The following AMMECR1 variants were observed in gnomAD, a reference collection of about 807,000 sequenced individuals.
AMMECR1 encodes nuclear protein AMMECR1.
Under a neutral mutation model 22.5 loss-of-function variants are expected in AMMECR1, and 3 were observed. That is an observed-to-expected ratio of 0.13 (90% CI 0.06 to 0.35). AMMECR1 has a LOEUF of 0.35. Among genes scored for constraint, AMMECR1 ranks in the 10% least tolerant of loss-of-function variants. The pLI is 1.00. For synonymous variants in AMMECR1, 130 were observed against 116.7 expected (o/e 1.11, Z -0.74); for missense variants, 235 against 278.7 (o/e 0.84, Z 1.12).
chrX:110,347,499 T>C (rs2068195375), intron 2 of AMMECR1, among the ~76,000 whole-genome samples: 1 of 113,035 alleles, frequency 8.8e-6, no homozygotes, highest in African/African-American at 3.2e-5. Flanking sequence ...TCGCTAATTC[T>C]GTAATGTATT....
intron 1 of AMMECR1, among the ~76,000 whole-genome samples, chrX:110,304,020 G>C (rs1288677299): frequency 8.9e-6 from 1 of 112,143 alleles, no homozygotes; most frequent in Non-Finnish European, 1.9e-5. Context: ...TGAGAATTTT[G>C]CTTGTTTTTT....
rs764554903 is a variant in AMMECR1, at chrX:110,198,273, A to C, written c.*247T>G. 1.4e-4 allele frequency: 33 copies of C among 235,620 alleles called. No homozygotes were observed. The highest frequency in any genetic ancestry group is 4.1e-4 in the Admixed American group (6 of 14,512). The allele number at this position is 235,620 out of a possible 1,213,427, so 19.4% of individuals were successfully genotyped here. A position where few individuals can be genotyped will look rare whatever the true frequency, so the allele number is the denominator to read the frequency against. ...TACATAATATTATAAGGAAAAAAAA[A>C]CCCAAAATTATATATGCTGCAAAAA... On this transcript the variant is annotated 3_prime_UTR_variant, in exon 6 of 6. Coordinates refer to ENST00000262844, the MANE Select transcript of AMMECR1 (RefSeq NM_015365.3).
At chrX:110,344,516 C>T (rs1159078084) in intron 2 of AMMECR1, among the ~76,000 whole-genome samples, 2 of 111,106 alleles carry the variant, frequency 1.8e-5, no homozygotes, top group African/African-American at 3.3e-5. Flanking sequence ...AACTAAAGAG[C>T]TTCTGCACAG....
intron 2 of AMMECR1, among the ~76,000 whole-genome samples, chrX:110,417,636 A>G (rs1047311901): frequency 1.8e-5 from 2 of 111,859 alleles, no homozygotes; most frequent in African/African-American, 6.5e-5. Flanking sequence ...AGTGGAAGAG[A>G]CTGGCCCAAG....
chrX:110,234,581 A>C (rs1281777826), intron 2 of AMMECR1, among the ~76,000 whole-genome samples: 2 of 112,091 alleles, frequency 1.8e-5, no homozygotes, highest in Non-Finnish European at 3.8e-5. Context: ...TTCAAACTAT[A>C]CTGCAAGGCT....
intron 4 of AMMECR1, among the ~76,000 whole-genome samples, chrX:110,202,086 G>T (rs1163690784): frequency 8.9e-6 from 1 of 112,120 alleles, no homozygotes; most frequent in Non-Finnish European, 1.9e-5. Context: ...AAATGACAAA[G>T]AACTATGTGG....
intron 2 of AMMECR1, among the ~76,000 whole-genome samples, chrX:110,411,542 G>C (rs997554305): frequency 4.5e-5 from 5 of 112,084 alleles, no homozygotes; most frequent in African/African-American, 1.6e-4. Flanking sequence ...ATTGAGGTAG[G>C]GAGTCTTTGC....
rs1178207450 is a variant in AMMECR1, at chrX:110,198,478, A to G, written c.*42T>C. 1.1e-6 allele frequency: 1 copy of G among 883,991 alleles called. No individual in the cohort carries two copies. The allele number at this position is 883,991 out of a possible 1,213,427, so 72.9% of individuals were successfully genotyped here. On this transcript the variant is annotated 3_prime_UTR_variant, in exon 6 of 6. Transcript: ENST00000262844. ...AGAAGGTGTAGGGTCTCCTGGGAAGAGGTCTGCAGAGAGGCCCAGTGACTG... is the reference window on the plus strand; with the variant it reads ...AGAAGGTGTAGGGTCTCCTGGGAAGGGGTCTGCAGAGAGGCCCAGTGACTG...
chrX:110,308,638 A>C (rs1407408616), intron 1 of AMMECR1, among the ~76,000 whole-genome samples: 2 of 111,741 alleles, frequency 1.8e-5, no homozygotes, highest in African/African-American at 6.5e-5. Context: ...AAAAAATTTT[A>C]ACTACTGACT....
intron 2 of AMMECR1, among the ~76,000 whole-genome samples, chrX:110,253,445 T>C (rs1452820090): frequency 1.8e-5 from 2 of 112,354 alleles, no homozygotes; most frequent in Non-Finnish European, 3.8e-5. Context: ...AGGGTACATA[T>C]TTTTAGACAA....
In AMMECR1 at chrX:110,214,639, T is replaced by A. The variant is rs142612862; in HGVS notation, c.699+1879A>T. Among the ~76,000 whole-genome samples the A allele has an allele frequency of 7.9e-3, 881 of 111,866 alleles. 6 individuals carry two copies. The highest frequency in any genetic ancestry group is 0.025 in the African/African-American group (783 of 30,749). On this transcript the variant is annotated intron_variant, in intron 3 of 5. Coordinates refer to ENST00000262844, the MANE Select transcript of AMMECR1 (RefSeq NM_015365.3). ...CATGCCTATGTAACAGCTGTTGTATTCTCCCCTTTTTCCTTCCCCCAAAAC... is the reference window on the plus strand; with the variant it reads ...CATGCCTATGTAACAGCTGTTGTATACTCCCCTTTTTCCTTCCCCCAAAAC...
intron 2 of AMMECR1, among the ~76,000 whole-genome samples, chrX:110,354,632 A>T (rs1165412273): frequency 8.9e-6 from 1 of 112,159 alleles, no homozygotes; most frequent in Non-Finnish European, 1.9e-5. Flanking sequence ...AAACAGCATG[A>T]TACTTGCATA....
intron 2 of AMMECR1, among the ~76,000 whole-genome samples, chrX:110,233,815 T>A (rs2067584120): frequency 8.9e-6 from 1 of 112,110 alleles, no homozygotes; most frequent in Non-Finnish European, 1.9e-5. Context: ...AATTAGGTAT[T>A]GATGGAACGT....
intron 2 of AMMECR1, among the ~76,000 whole-genome samples, chrX:110,392,651 C>G (rs1490391223): frequency 9.0e-6 from 1 of 111,255 alleles, no homozygotes; most frequent in Non-Finnish European, 1.9e-5. Context: ...CGCAAGAGTG[C>G]CTTTTGAGCC....
intron 2 of AMMECR1, among the ~76,000 whole-genome samples, chrX:110,416,999 C>A (rs2068682281): frequency 8.9e-6 from 1 of 112,525 alleles, no homozygotes; most frequent in South Asian, 3.7e-4. Flanking sequence ...TCCTCCACAG[C>A]TAGGCGCTGG....
chrX:110,278,091 C>G (rs1232656441), intron 1 of AMMECR1, among the ~76,000 whole-genome samples: 1 of 111,514 alleles, frequency 9.0e-6, no homozygotes, highest in East Asian at 2.8e-4. Flanking sequence ...TCCTAGAAAA[C>G]ACTAAATTTA....
intron 2 of AMMECR1, chrX:110,219,459 T>G (rs986532892): frequency 1.3e-6 from 1 of 753,441 alleles, no homozygotes; most frequent in African/African-American, 2.3e-5. Context: ...TTTAGTTCAT[T>G]TCCTAGCAGA....
intron 2 of AMMECR1, among the ~76,000 whole-genome samples, chrX:110,379,602 T>C (rs1189190477): frequency 8.9e-6 from 1 of 112,453 alleles, no homozygotes; most frequent in Non-Finnish European, 1.9e-5. Context: ...GAAATGTGGC[T>C]GCCAAAGTAA....
upstream of AMMECR1, among the ~76,000 whole-genome samples, chrX:110,322,827 G>A (rs2068084097): frequency 9.0e-6 from 1 of 111,658 alleles, no homozygotes; most frequent in African/African-American, 3.3e-5. Context: ...CACAATGATT[G>A]TGTCAGGAAG....
Sources: gnomAD v4.1 joint callset for allele counts (sites outside exome capture counted in the v4.1 genomes callset) on GRCh38, gnomAD v4.1.1 for gene constraint, MANE v1.5 for transcripts, NCBI Gene and HGNC (gene_info 2026-07-23, HGNC 2026-07-21) for gene names.